The following PRKCE variants were observed in gnomAD, a reference collection of about 807,000 sequenced individuals.
PRKCE encodes the protein protein kinase C epsilon type.
A neutral mutation model predicts 85.4 loss-of-function variants in PRKCE; 16 were observed. The observed-to-expected ratio is 0.19, with a 90% CI of 0.13 to 0.28. The LOEUF (loss-of-function observed/expected upper bound fraction) is 0.28. Among genes scored for constraint, PRKCE ranks in the 10% least tolerant of loss-of-function variants. PRKCE has a pLI of 1.00. For missense variants in PRKCE, 573 were observed against 975.2 expected (o/e 0.59, Z 5.49); for synonymous variants, 388 against 371.5 (o/e 1.04, Z -0.51).
At chr2:45,700,571 A>T (rs1678550488) in intron 1 of PRKCE, 1 of 152,000 alleles carries the variant, frequency 6.6e-6, no homozygotes, top group Non-Finnish European at 1.5e-5. Context: ...TTGACTGAGG[A>T]TCATCTAGGA....
intron 2 of PRKCE, among the ~76,000 whole-genome samples, chr2:45,875,416 G>A (rs1179303823): frequency 6.6e-6 from 1 of 152,216 alleles, no homozygotes; most frequent in Non-Finnish European, 1.5e-5. Flanking sequence ...CTGTTCTGGT[G>A]TCACATGCTA....
At chr2:45,753,320 C>G (rs1039275286) in intron 1 of PRKCE, among the ~76,000 whole-genome samples, 2 of 152,162 alleles carry the variant, frequency 1.3e-5, no homozygotes, top group South Asian at 4.1e-4. Context: ...GATGCTGCAC[C>G]TGCTGGGCCA....
At chr2:46,020,431 C>T (rs890340718) in intron 10 of PRKCE, among the ~76,000 whole-genome samples, 1 of 151,948 alleles carries the variant, frequency 6.6e-6, no homozygotes, top group Admixed American at 6.5e-5. Flanking sequence ...TTTAACCTAC[C>T]CATATTATAA....
In PRKCE at chr2:46,184,152, G is replaced by A. The variant is rs571400926; in HGVS notation, c.2068-583G>A. Among the ~76,000 whole-genome samples the A allele has an allele frequency of 8.5e-5, 13 of 152,296 alleles. 1 individual carries two copies. The East Asian group carries it at 2.5e-3, about 29-fold the overall frequency. On this transcript the variant is annotated intron_variant, in intron 14 of 14. Coordinates refer to ENST00000306156, the MANE Select transcript of PRKCE (RefSeq NM_005400.3). The surrounding 1 kb of genome is among the most constrained non-coding windows in gnomAD (Gnocchi z 5.0). ...TAAGAAGCTCTTGGTCTAGACAAAA[G>A]CATAAAAACGTCATTGCAAGTCAAT... is the stretch of plus-strand genomic sequence containing the variant.
intron 11 of PRKCE, among the ~76,000 whole-genome samples, chr2:46,126,191 G>T (rs1023833746): frequency 1.3e-5 from 2 of 152,170 alleles, no homozygotes; most frequent in African/African-American, 4.8e-5. Context: ...AACCCACAGA[G>T]ATCTCTCTGG....
At chr2:45,990,573 T>G (rs1703710771) in intron 6 of PRKCE, among the ~76,000 whole-genome samples, 1 of 152,172 alleles carries the variant, frequency 6.6e-6, no homozygotes, top group Non-Finnish European at 1.5e-5. Flanking sequence ...TGGGTAGCTC[T>G]CAAGCTCTTG....
At chr2:45,966,266 A>G (rs1701722047) in intron 2 of PRKCE, among the ~76,000 whole-genome samples, 5 of 152,208 alleles carry the variant, frequency 3.3e-5, no homozygotes, top group Admixed American at 3.3e-4. Flanking sequence ...GATGTGTAAC[A>G]TGACCGCAGG....
chr2:46,162,548 G>A (rs1677881550), intron 14 of PRKCE, among the ~76,000 whole-genome samples: 1 of 152,090 alleles, frequency 6.6e-6, no homozygotes, highest in Non-Finnish European at 1.5e-5. Context: ...GTGGAGGGGG[G>A]CGGGGTCAGG....
chr2:45,719,555 G>A (rs190895304), intron 1 of PRKCE, among the ~76,000 whole-genome samples: 5 of 152,268 alleles, frequency 3.3e-5, no homozygotes, highest in Non-Finnish European at 7.4e-5. Context: ...GTGACTGGAT[G>A]GATAGTGGGT....
chr2:45,843,488 A>G (rs1349181133), intron 2 of PRKCE, among the ~76,000 whole-genome samples: 1 of 152,242 alleles, frequency 6.6e-6, no homozygotes, highest in East Asian at 1.9e-4. Context: ...TAGAAGTGGG[A>G]CTTCTTTTAC....
At chr2:45,914,567 C>T (rs896263434) in intron 2 of PRKCE, among the ~76,000 whole-genome samples, 2 of 152,208 alleles carry the variant, frequency 1.3e-5, no homozygotes, top group African/African-American at 4.8e-5. Context: ...TTTTCTCTCA[C>T]TCCACCAGGC....
At chr2:46,123,333 G>GC (rs1172709336) in intron 11 of PRKCE, among the ~76,000 whole-genome samples, 1 of 149,862 alleles carries the variant, frequency 6.7e-6, no homozygotes, top group Non-Finnish European at 1.5e-5. Flanking sequence ...CAATTGTGGG[G>GC]CAGTAGCTGA....
chr2:45,950,698 A>C (rs908962343), intron 2 of PRKCE, among the ~76,000 whole-genome samples: 1 of 152,134 alleles, frequency 6.6e-6, no homozygotes, highest in Non-Finnish European at 1.5e-5. Flanking sequence ...CAGAGGGCAA[A>C]GCGAGAGATG....
At chr2:45,951,499 G>T (rs1010147397) in intron 2 of PRKCE, among the ~76,000 whole-genome samples, 1 of 152,168 alleles carries the variant, frequency 6.6e-6, no homozygotes, top group Admixed American at 6.5e-5. Context: ...GCTTCTCTGG[G>T]CCCAGAAAGA....
intron 1 of PRKCE, among the ~76,000 whole-genome samples, chr2:45,659,140 A>C (rs957136916): frequency 6.6e-6 from 1 of 152,138 alleles, no homozygotes; most frequent in Admixed American, 6.5e-5. Context: ...TCAGGTCCTC[A>C]GCTTTCATTG....
chr2:45,735,148 A>G (rs550954577), intron 1 of PRKCE, among the ~76,000 whole-genome samples: 42 of 152,170 alleles, frequency 2.8e-4, no homozygotes, highest in Admixed American at 3.3e-4. Flanking sequence ...CCCTGGGCGC[A>G]TGATGTGATT....
chr2:45,672,352 A>G (rs934910664), intron 1 of PRKCE, among the ~76,000 whole-genome samples: 2 of 151,588 alleles, frequency 1.3e-5, no homozygotes, highest in Non-Finnish European at 2.9e-5. Flanking sequence ...CCATCTCTTC[A>G]TTCATCCATT....
At chr2:46,080,601 A>C (rs1668979781) in intron 10 of PRKCE, among the ~76,000 whole-genome samples, 1 of 152,186 alleles carries the variant, frequency 6.6e-6, no homozygotes, top group South Asian at 2.1e-4. Flanking sequence ...TAGTTGCTGG[A>C]CTACAGTAAG....
intron 1 of PRKCE, among the ~76,000 whole-genome samples, chr2:45,720,792 G>A (rs565812069): frequency 2.0e-4 from 31 of 152,260 alleles, no homozygotes; most frequent in African/African-American, 6.3e-4. Flanking sequence ...GCTCAAGAGC[G>A]TTACTACTTT....
Sources: gnomAD v4.1 joint callset for allele counts (sites outside exome capture counted in the v4.1 genomes callset) on GRCh38, gnomAD v4.1.1 for gene constraint, Gnocchi (gnomAD v3.1) non-coding constraint, MANE v1.5 for transcripts, NCBI Gene and HGNC (gene_info 2026-07-23, HGNC 2026-07-21) for gene names.